The following C10orf90 variants were observed in gnomAD, a reference collection of about 807,000 sequenced individuals.
C10orf90 encodes (E2-independent) E3 ubiquitin-conjugating enzyme FATS.
Under a neutral mutation model 62.5 loss-of-function variants are expected in C10orf90, and 56 were observed. That is an observed-to-expected ratio of 0.90 (90% confidence interval 0.72 to 1.12). C10orf90 has a LOEUF of 1.12. C10orf90 is among the 50% of genes most tolerant of loss of function. The probability of loss-of-function intolerance (pLI) is 0.00; values close to 1 mark genes in which losing one functional copy is unlikely to be tolerated. For synonymous variants in C10orf90, 386 were observed against 340.4 expected (o/e 1.13, Z -1.47); for missense variants, 970 against 880.4 (o/e 1.10, Z -1.29).
chr10:126,669,699 CTGTCT>C (rs1346720263), intron 1 of C10orf90, among the ~76,000 whole-genome samples: 37 of 73,856 alleles, frequency 5.0e-4, no homozygotes, highest in African/African-American at 7.3e-4. Flanking sequence ...CTCTCACTCT[CTGTCT>C]TTTTTTTTTT....
intron 4 of C10orf90, among the ~76,000 whole-genome samples, chr10:126,489,092 T>C (rs1861584164): frequency 1.3e-5 from 2 of 152,062 alleles, no homozygotes; most frequent in South Asian, 4.1e-4. Flanking sequence ...AACATACCAA[T>C]ATTCCTCACA....
At position 126,475,496 on chromosome 10, in the gene C10orf90, G is replaced by A. The variant is rs183593456; in HGVS notation, c.1535-10510C>T. ...CTCACCACAGCCTCCTGCTCAGGACGCCGCCTTCATCATTAGCATGGCCGT... is the reference window on the plus strand; with the variant it reads ...CTCACCACAGCCTCCTGCTCAGGACACCGCCTTCATCATTAGCATGGCCGT... On this transcript the variant is annotated intron_variant, in intron 4 of 9. Coordinates refer to ENST00000488181, the MANE Select transcript of C10orf90 (RefSeq NM_001350921.2). Among the ~76,000 whole-genome samples the A allele has an allele frequency of 7.9e-5, 12 of 152,294 alleles. No individual in the cohort carries two copies. The East Asian group carries it at 1.5e-3, about 20-fold the overall frequency.
intron 7 of C10orf90, among the ~76,000 whole-genome samples, chr10:126,439,020 T>C (rs1223340939): frequency 6.6e-6 from 1 of 152,106 alleles, no homozygotes; most frequent in Admixed American, 6.6e-5. Flanking sequence ...CGTACACCAA[T>C]GTCAACATCA....
In C10orf90 at chr10:126,629,995, T is replaced by C. The variant is rs370608406; in HGVS notation, c.313+16570A>G. ...TTTTAGCTTGCAAATATCTCTGAGTTTTATCCTGCATTAACTATATGACAT... is the reference window on the plus strand; with the variant it reads ...TTTTAGCTTGCAAATATCTCTGAGTCTTATCCTGCATTAACTATATGACAT... On this transcript the variant is annotated intron_variant, in intron 2 of 9. Transcript: ENST00000488181. Among the ~76,000 whole-genome samples the C allele has an allele frequency of 5.3e-5, 8 of 152,332 alleles. No individual in the cohort carries two copies. The South Asian group carries it at 1.2e-3, about 24-fold the overall frequency.
chr10:126,517,319 T>C (rs752520705), intron 2 of C10orf90, among the ~76,000 whole-genome samples: 96 of 152,222 alleles, frequency 6.3e-4, no homozygotes, highest in Non-Finnish European at 5.7e-4. Flanking sequence ...TCTAAAAAAA[T>C]AGTAAAGTTG....
At chr10:126,437,485 A>G (rs923751888) in intron 7 of C10orf90, among the ~76,000 whole-genome samples, 1 of 152,128 alleles carries the variant, frequency 6.6e-6, no homozygotes, top group Non-Finnish European at 1.5e-5. Context: ...GACCGCTGTT[A>G]CCTTGATAGA....
intron 2 of C10orf90, among the ~76,000 whole-genome samples, chr10:126,542,848 C>T (rs906436719): frequency 3.3e-5 from 5 of 152,192 alleles, no homozygotes; most frequent in Admixed American, 1.3e-4. Flanking sequence ...TGTACATACA[C>T]ATACCTTGTG....
intron 5 of C10orf90, 63 bp from the exon 6 acceptor site, chr10:126,461,648 A>G (rs1859987591): frequency 1.3e-6 from 2 of 1,495,762 alleles, no homozygotes; most frequent in African/African-American, 1.4e-5. Context: ...TGGCTCCTCA[A>G]TACCATTAGA....
chr10:126,556,395 A>G (rs1042397135), intron 2 of C10orf90, among the ~76,000 whole-genome samples: 2 of 152,218 alleles, frequency 1.3e-5, no homozygotes, highest in Non-Finnish European at 2.9e-5. Context: ...TGTGCTTATC[A>G]AACCCAGATA....
Position 126,425,036 on chromosome 10 carries a change from T to A in C10orf90, c.*828A>T, listed in dbSNP as rs1158762021. ...TAATTGCATTTATTTCCATTTGTGT[T>A]GTAAAAACTAGCTTGTTCTTAGCTT... On this transcript the variant is annotated 3_prime_UTR_variant, in exon 10 of 10. Coordinates refer to ENST00000488181, the MANE Select transcript of C10orf90 (RefSeq NM_001350921.2). 6.6e-6 allele frequency: 1 copy of A among 152,258 alleles called. No homozygotes were observed. Among genetic ancestry groups the A allele is most frequent in the African/African-American group, 2.4e-5 (1 of 41,462 alleles). 9.4% of individuals were successfully genotyped at this position (152,258 alleles called of 1,614,324 possible).
chr10:126,654,229 TA>T (rs1434444651), intron 1 of C10orf90, among the ~76,000 whole-genome samples: 1 of 152,232 alleles, frequency 6.6e-6, no homozygotes, highest in Non-Finnish European at 1.5e-5. Context: ...TTTACCTCAC[TA>T]ACTATGAAAG....
chr10:126,632,811 C>A (rs535131894), intron 2 of C10orf90, among the ~76,000 whole-genome samples: 4 of 152,180 alleles, frequency 2.6e-5, no homozygotes, highest in Admixed American at 6.5e-5. Flanking sequence ...TTGGCCCCAG[C>A]CTTCACCTTG....
intron 2 of C10orf90, among the ~76,000 whole-genome samples, chr10:126,639,297 A>G (rs1352955113): frequency 6.6e-6 from 1 of 152,196 alleles, no homozygotes; most frequent in Non-Finnish European, 1.5e-5. Flanking sequence ...TCTCGTCTCC[A>G]TGGCGCATGA....
At chr10:126,624,746 T>C (rs1845710059) in intron 2 of C10orf90, among the ~76,000 whole-genome samples, 1 of 151,994 alleles carries the variant, frequency 6.6e-6, no homozygotes, top group Admixed American at 6.5e-5. Context: ...TTTTGCTGAG[T>C]GTACAGAGCA....
At chr10:126,657,101 A>G (rs1372669217) in intron 1 of C10orf90, among the ~76,000 whole-genome samples, 1 of 152,218 alleles carries the variant, frequency 6.6e-6, no homozygotes, top group Non-Finnish European at 1.5e-5. Flanking sequence ...GCCAGTACTC[A>G]GAAGTGCCAT....
At chr10:126,572,137 A>T (rs1844519319) in intron 2 of C10orf90, among the ~76,000 whole-genome samples, 1 of 152,172 alleles carries the variant, frequency 6.6e-6, no homozygotes, top group Non-Finnish European at 1.5e-5. Flanking sequence ...ACAGGAGGCG[A>T]TAGGAGGTCG....
intron 3 of C10orf90, among the ~76,000 whole-genome samples, chr10:126,507,977 T>G (rs1389111381): frequency 2.0e-5 from 3 of 151,902 alleles, no homozygotes; most frequent in African/African-American, 4.8e-5. Flanking sequence ...ATTGTTCTTG[T>G]GTACCCCACG....
At chr10:126,534,137 T>C (rs1591076652) in intron 2 of C10orf90, among the ~76,000 whole-genome samples, 1 of 152,232 alleles carries the variant, frequency 6.6e-6, no homozygotes, top group South Asian at 2.1e-4. Context: ...GATTTCATCT[T>C]GCCCCAATGA....
chr10:126,451,554 A>G lies in C10orf90; in HGVS notation c.2188+7486T>C, dbSNP rs181452853. Among the ~76,000 whole-genome samples the G allele has an allele frequency of 2.9e-3, 446 of 152,192 alleles. 6 individuals carry two copies. The highest frequency in any genetic ancestry group is 0.01 in the African/African-American group (416 of 41,524). On this transcript the variant is annotated intron_variant, in intron 7 of 9. Coordinates refer to ENST00000488181, the MANE Select transcript of C10orf90 (RefSeq NM_001350921.2). The stretch of plus-strand genomic sequence containing the variant: ...TTGTGTTTTTATAAGATGCTTGGGA[A>G]GAAAAGATCAATTTATGCCTATTGA...
Sources: gnomAD v4.1 joint callset for allele counts (sites outside exome capture counted in the v4.1 genomes callset) on GRCh38, gnomAD v4.1.1 for gene constraint, MANE v1.5 for transcripts, NCBI Gene and HGNC (gene_info 2026-07-23, HGNC 2026-07-21) for gene names.